TENM2: variants seen among roughly 807,000 people sequenced by gnomAD.
TENM2 encodes the protein teneurin transmembrane protein 2.
A neutral mutation model predicts 245.2 loss-of-function variants in TENM2; 52 were observed. The observed-to-expected ratio is 0.21, with a 90% CI of 0.17 to 0.27. TENM2 has a LOEUF of 0.27. Ranked by LOEUF, TENM2 falls within the 10% of genes least tolerant of loss-of-function variation. The probability of loss-of-function intolerance (pLI) is 1.00; values close to 1 mark genes in which losing one functional copy is unlikely to be tolerated. For synonymous variants in TENM2, 1,363 were observed against 1,438.9 expected (o/e 0.95, Z 1.19); for missense variants, 3,046 against 3,666.8 (o/e 0.83, Z 4.37).
At chr5:167,890,679 T>G (rs1292897050) in intron 3 of TENM2, among the ~76,000 whole-genome samples, 1 of 152,224 alleles carries the variant, frequency 6.6e-6, no homozygotes, top group Non-Finnish European at 1.5e-5. Context: ...ACTGCCCGTT[T>G]GAGATCAGGC....
intron 5 of TENM2, among the ~76,000 whole-genome samples, chr5:168,006,695 C>T (rs921618974): frequency 6.6e-6 from 1 of 152,156 alleles, no homozygotes; most frequent in Non-Finnish European, 1.5e-5. Flanking sequence ...ACTGTGGAGC[C>T]TGTTCACGGA....
intron 2 of TENM2, among the ~76,000 whole-genome samples, chr5:167,496,385 G>A (rs1014741752): frequency 6.6e-6 from 1 of 152,034 alleles, no homozygotes; most frequent in Non-Finnish European, 1.5e-5. Flanking sequence ...GATGGATTTT[G>A]TTAAGAGAAA....
intron 12 of TENM2, chr5:168,130,458 A>G (rs1023248945): frequency 6.6e-6 from 1 of 152,198 alleles, no homozygotes; most frequent in African/African-American, 2.4e-5. Context: ...ATATATTAGC[A>G]TTTTTTGTAT....
intron 2 of TENM2, among the ~76,000 whole-genome samples, chr5:167,607,883 C>T (rs1281251585): frequency 2.0e-5 from 3 of 152,164 alleles, no homozygotes; most frequent in African/African-American, 7.2e-5. Context: ...GCTAACCCAC[C>T]CGCCCCTACA....
At chr5:167,303,815 T>A (rs936111136) in intron 1 of TENM2, among the ~76,000 whole-genome samples, 1 of 152,080 alleles carries the variant, frequency 6.6e-6, no homozygotes, top group Non-Finnish European at 1.5e-5. Context: ...CAACTATGCG[T>A]CATGGTGGGG....
At chr5:167,321,781 G>GTTT (rs1554133753) in intron 1 of TENM2, among the ~76,000 whole-genome samples, 2 of 38,722 alleles carry the variant, frequency 5.2e-5, no homozygotes, top group Non-Finnish European at 9.7e-5. Context: ...TGCTGCCTTG[G>GTTT]CTTATTTTTT....
chr5:167,450,963 G>A (rs12658534), intron 2 of TENM2, among the ~76,000 whole-genome samples: 37,560 of 151,856 alleles, frequency 0.25, 4,852 homozygotes, highest in South Asian at 0.37. Context: ...TTGCAAGACT[G>A]TACAGTCTCT....
intron 2 of TENM2, among the ~76,000 whole-genome samples, chr5:167,868,276 C>T (rs2151325812): frequency 6.6e-6 from 1 of 152,152 alleles, no homozygotes; most frequent in East Asian, 1.9e-4. Context: ...AGCAGGATTG[C>T]CCCAGTGGAG....
At chr5:167,243,820 T>C in the TENM2 span, among the ~76,000 whole-genome samples, 1 of 152,192 alleles carries the variant, frequency 6.6e-6, no homozygotes, top group East Asian at 1.9e-4. Flanking sequence ...GATCTCAAAA[T>C]AGTTTCTCCT....
chr5:168,038,186 T>C (rs1455403528), intron 5 of TENM2, among the ~76,000 whole-genome samples: 1 of 152,198 alleles, frequency 6.6e-6, no homozygotes, highest in East Asian at 1.9e-4. Context: ...GAAAGCATTA[T>C]ATATCTCATA....
intron 2 of TENM2, among the ~76,000 whole-genome samples, chr5:167,603,412 G>A (rs278008): frequency 0.65 from 99,232 of 152,054 alleles, 32,602 homozygotes; most frequent in Middle Eastern, 0.74. Flanking sequence ...GCTGGGCACA[G>A]TGGCTCACAC....
intron 2 of TENM2, among the ~76,000 whole-genome samples, chr5:167,710,673 G>T (rs1223671169): frequency 6.6e-6 from 1 of 152,128 alleles, no homozygotes; most frequent in South Asian, 2.1e-4. Context: ...AGATGAAAGG[G>T]CAGATTTCAA....
chr5:168,036,270 C>A (rs113162324), intron 5 of TENM2, among the ~76,000 whole-genome samples: 1 of 152,252 alleles, frequency 6.6e-6, no homozygotes, highest in South Asian at 2.1e-4. Context: ...GTGCTGTTGC[C>A]GGTTGACAGA....
Position 168,123,395 on chromosome 5 carries a change from A to G in TENM2, c.2009-1455A>G, listed in dbSNP as rs151086642. ...TAAAAAATGTCTTAGGAGATCCTAC[A>G]GAAAGCTGAGACCCTGAGGAATTAT... On this transcript the variant is annotated intron_variant, in intron 10 of 28. Coordinates refer to ENST00000518659, the Ensembl canonical transcript of TENM2. Among the ~76,000 whole-genome samples the G allele has an allele frequency of 1.3e-3, 203 of 152,370 alleles. 1 individual carries two copies. The highest frequency in any genetic ancestry group is 4.6e-3 in the African/African-American group (191 of 41,590).
the TENM2 span, among the ~76,000 whole-genome samples, chr5:167,106,737 G>A: frequency 6.6e-6 from 1 of 151,924 alleles, no homozygotes; most frequent in African/African-American, 2.4e-5. Flanking sequence ...GCCTGAGCTG[G>A]GCTGTGGCAA....
intron 2 of TENM2, among the ~76,000 whole-genome samples, chr5:167,693,236 T>C (rs1318389204): frequency 6.6e-6 from 1 of 152,010 alleles, no homozygotes. Context: ...CCGTACCAAA[T>C]CTCCAAAGAC....
intron 19 of TENM2, 55 bp from the exon 22 acceptor site, chr5:168,211,679 C>A (rs1197083075): frequency 3.6e-6 from 4 of 1,119,654 alleles, no homozygotes; most frequent in Non-Finnish European, 5.1e-6. Context: ...GCTTTATCAT[C>A]AATTCTTCTG....
chr5:167,126,938 G>T, the TENM2 span, among the ~76,000 whole-genome samples: 1 of 151,462 alleles, frequency 6.6e-6, no homozygotes, highest in African/African-American at 2.4e-5. Flanking sequence ...GTTATTTGAC[G>T]ATCTCTAAAA....
the TENM2 span, among the ~76,000 whole-genome samples, chr5:167,129,702 A>T: frequency 6.6e-6 from 1 of 152,168 alleles, no homozygotes; most frequent in Non-Finnish European, 1.5e-5. Flanking sequence ...GAATATAGAG[A>T]GTGTGCAAGA....
Sources: allele counts gnomAD v4.1 joint callset (sites outside exome capture counted in the v4.1 genomes callset), GRCh38; gene constraint gnomAD v4.1.1; transcripts MANE v1.5; gene names NCBI Gene and HGNC (gene_info 2026-07-23, HGNC 2026-07-21).